The following CTNNA2 variants were observed in gnomAD, a reference collection of about 807,000 sequenced individuals.
CTNNA2 encodes the protein catenin alpha 2.
In CTNNA2, 42 loss-of-function variants were observed where a neutral mutation model predicts 101.0. That is an observed-to-expected ratio of 0.42 (90% CI 0.32 to 0.54). The LOEUF is 0.54. Ranked by LOEUF, CTNNA2 falls within the 20% of genes least tolerant of loss-of-function variation. The pLI is 0.14. For missense variants in CTNNA2, 871 were observed against 1,223.1 expected (o/e 0.71, Z 4.29); for synonymous variants, 450 against 456.4 (o/e 0.99, Z 0.18).
chr2:79,319,766 C>T (rs942374068), intron 3 of CTNNA2: 6 of 151,984 alleles, frequency 3.9e-5, no homozygotes, highest in African/African-American at 9.7e-5. Flanking sequence ...TTTCTGCCCA[C>T]GAAAGTAAGA....
Position 79,696,036 on chromosome 2 carries a change from A to G in CTNNA2, c.102+44378A>G, listed in dbSNP as rs141874944. ...TATCCTGTCCCTTGGTGGAAGCCCT[A>G]TAGACAAGGGACTTAGAGCCAAAAG... On this transcript the variant is annotated intron_variant, in intron 2 of 18. Transcript: ENST00000402739. Among the ~76,000 whole-genome samples, 149 of 152,106 alleles carry G rather than the reference A, an allele frequency of 9.8e-4. 5 individuals are homozygous for G. The South Asian group carries it at 0.021, about 22-fold the overall frequency.
rs200654860 is a variant in CTNNA2 at position 80,146,939 on chromosome 2, A to T, written c.1056+237142A>T. On this transcript the variant is annotated intron_variant, in intron 7 of 18. Transcript: ENST00000402739. ...TGCTAATTTTTGTATTTTGTATTTT[A>T]TTTATTTATTTATTTATTTATTTAT... 3.7e-3 allele frequency among the ~76,000 whole-genome samples: 391 copies of T among 105,278 alleles called. 11 individuals carry two copies. The highest frequency in any genetic ancestry group is 0.028 in the Admixed American group (319 of 11,564). 69.1% of individuals were successfully genotyped at this position (105,278 alleles called of 152,430 possible).
chr2:79,628,347 G>A (rs1679456514), intron 1 of CTNNA2, among the ~76,000 whole-genome samples: 1 of 151,994 alleles, frequency 6.6e-6, no homozygotes, highest in Admixed American at 6.6e-5. Flanking sequence ...TAGCTGCTCA[G>A]GAGGCTTAGG....
chr2:80,328,292 G>A (rs1671004447), intron 7 of CTNNA2: 1 of 471,160 alleles, frequency 2.1e-6, no homozygotes, highest in Non-Finnish European at 4.4e-6. Flanking sequence ...TCTTTGCTCT[G>A]TCCTGAATGA....
At chr2:79,810,580 GGTTA>G (rs1676937325) in intron 3 of CTNNA2, among the ~76,000 whole-genome samples, 1 of 150,866 alleles carries the variant, frequency 6.6e-6, no homozygotes, top group African/African-American at 2.4e-5. Flanking sequence ...ACAATGTACA[GGTTA>G]GTTACATATG....
intron 1 of CTNNA2, among the ~76,000 whole-genome samples, chr2:79,612,353 A>G (rs1353196428): frequency 6.6e-6 from 1 of 152,198 alleles, no homozygotes; most frequent in Non-Finnish European, 1.5e-5. Flanking sequence ...ATTTTTGAAC[A>G]ACAGTTTCTA....
intron 4 of CTNNA2, among the ~76,000 whole-genome samples, chr2:79,447,131 T>C (rs188576098): frequency 5.3e-5 from 8 of 152,044 alleles, no homozygotes; most frequent in Non-Finnish European, 1.0e-4. Context: ...GAGCCCCGGG[T>C]GTGTGTCCTT....
chr2:80,383,858 A>G (rs1371032524), intron 7 of CTNNA2, among the ~76,000 whole-genome samples: 1 of 152,194 alleles, frequency 6.6e-6, no homozygotes. Flanking sequence ...CCATAAAGAC[A>G]CACGTACTAA....
At chr2:80,043,873 A>T (rs1696346148) in intron 7 of CTNNA2, among the ~76,000 whole-genome samples, 1 of 152,166 alleles carries the variant, frequency 6.6e-6, no homozygotes, top group South Asian at 2.1e-4. Context: ...AAGTGCTGGG[A>T]AGAATTTTAT....
rs566539208 is a variant in CTNNA2 at position 80,256,234 on chromosome 2, C to A, written c.1057-136977C>A. Among the ~76,000 whole-genome samples, 68 of 152,134 alleles carry A rather than the reference C, an allele frequency of 4.5e-4. 1 individual carries two copies. The South Asian group carries it at 0.014, about 31-fold the overall frequency. Reference sequence around the variant, plus strand: ...GCCATACCATGTGAATTCAGTTTTCCCCTGTGTCAGGGGAAATTCATCACA... The same window carrying A: ...GCCATACCATGTGAATTCAGTTTTCACCTGTGTCAGGGGAAATTCATCACA... On this transcript the variant is annotated intron_variant, in intron 7 of 18. Coordinates refer to ENST00000402739, the MANE Select transcript of CTNNA2 (RefSeq NM_001282597.3).
In CTNNA2 at chr2:79,382,756, C is replaced by G. The variant is rs576783982; in HGVS notation, c.-135+8743C>G. On this transcript the variant is annotated intron_variant, in intron 4 of 21. Coordinates refer to the CTNNA2 transcript ENST00000466387. ...AGCCTCCCGAGTAGCTGGGACTACA[C>G]GTGCCCAACACCACGCCCGGCTAAT... 8.5e-5 allele frequency among the ~76,000 whole-genome samples: 13 copies of G among 152,188 alleles called. No individual in the cohort carries two copies. In the East Asian group the frequency reaches 2.3e-3, roughly 27 times the overall value.
At chr2:80,576,582 A>G (rs1695068634) in intron 13 of CTNNA2, among the ~76,000 whole-genome samples, 1 of 152,004 alleles carries the variant, frequency 6.6e-6, no homozygotes, top group African/African-American at 2.4e-5. Flanking sequence ...CATTGCTTCT[A>G]GGAGAAATAC....
rs1488041408 is a variant in CTNNA2 at position 79,476,677 on chromosome 2, T to C, written c.-134-28377T>C. ...CTCTAGATCTTAGCATCTTCTGAGA[T>C]CTTGGCCCATTGTTACTTCTCTGAT... On this transcript the variant is annotated intron_variant, in intron 4 of 21. Transcript: ENST00000466387. Among the ~76,000 whole-genome samples, 8 of 152,208 alleles carry C rather than the reference T, an allele frequency of 5.3e-5. No homozygotes were observed. The East Asian group carries it at 1.5e-3, about 29-fold the overall frequency.
intron 6 of CTNNA2, among the ~76,000 whole-genome samples, chr2:79,881,667 T>C (rs1056650216): frequency 1.3e-5 from 2 of 151,982 alleles, no homozygotes; most frequent in African/African-American, 4.8e-5. Flanking sequence ...TGGTAAGTTT[T>C]CCACCATTCC....
chr2:79,519,354 G>A (rs1246970952), intron 1 of CTNNA2, among the ~76,000 whole-genome samples: 1 of 151,566 alleles, frequency 6.6e-6, no homozygotes, highest in Non-Finnish European at 1.5e-5. Context: ...CATTCAACAG[G>A]TATTTTTTGA....
intron 7 of CTNNA2, among the ~76,000 whole-genome samples, chr2:79,977,408 A>G (rs1216684393): frequency 1.3e-5 from 2 of 152,112 alleles, no homozygotes; most frequent in African/African-American, 4.8e-5. Flanking sequence ...GTAGAGGCCA[A>G]GGAAGCTGCT....
intron 7 of CTNNA2, among the ~76,000 whole-genome samples, chr2:80,174,092 A>G (rs1260271599): frequency 1.3e-5 from 2 of 152,158 alleles, no homozygotes; most frequent in Non-Finnish European, 2.9e-5. Flanking sequence ...GTGCCAATAT[A>G]AAGTCGTTTT....
chr2:80,026,808 C>A (rs1406079325), intron 7 of CTNNA2, among the ~76,000 whole-genome samples: 3 of 152,110 alleles, frequency 2.0e-5, no homozygotes, highest in African/African-American at 7.2e-5. Context: ...AAACAGTATT[C>A]TCATAAGGAA....
At chr2:80,347,653 A>T (rs951468182) in intron 7 of CTNNA2, among the ~76,000 whole-genome samples, 1 of 150,768 alleles carries the variant, frequency 6.6e-6, no homozygotes, top group Non-Finnish European at 1.5e-5. Context: ...CTGACATTCC[A>T]TGTGGATACT....
Sources: allele counts gnomAD v4.1 joint callset (sites outside exome capture counted in the v4.1 genomes callset), GRCh38; gene constraint gnomAD v4.1.1; transcripts MANE v1.5; gene names NCBI Gene and HGNC (gene_info 2026-07-23, HGNC 2026-07-21).